The following COL5A3 variants were observed in gnomAD, a reference collection of about 807,000 sequenced individuals.
The protein encoded by COL5A3 is collagen type V alpha 3 chain, also known as collagen alpha-3(V) chain.
In COL5A3, 172 loss-of-function variants were observed where a neutral mutation model predicts 250.0. The ratio of observed to expected loss-of-function variants is 0.69; its 90% CI spans 0.61 to 0.78. The LOEUF (loss-of-function observed/expected upper bound fraction) is 0.78, where lower values mean the gene tolerates loss of function less well. Ranked by LOEUF, COL5A3 falls within the 30% of genes least tolerant of loss-of-function variation. The pLI, the probability that COL5A3 is intolerant of heterozygous loss-of-function variation, is 0.00. For missense variants in COL5A3, 2,340 were observed against 2,334.4 expected (o/e 1.00, Z -0.05); for synonymous variants, 937 against 900.4 (o/e 1.04, Z -0.73).
At chr19:10,000,995 C>T (rs940119102) in intron 8 of COL5A3, among the ~76,000 whole-genome samples, 2 of 152,026 alleles carry the variant, frequency 1.3e-5, no homozygotes, top group African/African-American at 4.8e-5. Context: ...GGGTACTAGG[C>T]TTAATACCTG....
chr19:9,970,425 A>G (rs1042682070), intron 54 of COL5A3, among the ~76,000 whole-genome samples, 197 bp downstream of exon 54: 340 of 8,148 alleles, frequency 0.042, 1 homozygote, highest in African/African-American at 0.078. Context: ...GGGGGCTGTA[A>G]GGTGAGTGGG....
chr19:9,990,710 G>A (rs940215412), intron 24 of COL5A3, among the ~76,000 whole-genome samples: 4 of 151,724 alleles, frequency 2.6e-5, no homozygotes, highest in South Asian at 2.1e-4. Flanking sequence ...CTACAGGCGC[G>A]CGCCACCACG....
chr19:10,005,550 ACTC>A lies in COL5A3; in HGVS notation c.594+5_594+7del, dbSNP rs759595058. ...CTGCCTCAGTTTCCCCCATCACTGA[ACTC>A]CTACCTCGAAAGTCTTTTCCCCAAG... is the stretch of plus-strand genomic sequence containing the variant. On this transcript the variant is annotated splice_donor_5th_base_variant and intron_variant, in intron 4 of 66. Coordinates refer to ENST00000264828, the MANE Select transcript of COL5A3 (RefSeq NM_015719.4). The A allele has an allele frequency of 6.2e-7, 1 of 1,613,860 alleles. No homozygotes were observed. Among genetic ancestry groups the A allele is most frequent in the Non-Finnish European group, 8.5e-7 (1 of 1,179,886 alleles).
intron 57 of COL5A3, 90 bp downstream of exon 57, chr19:9,969,248 TGGTCAGTGAGG>T: frequency 3.0e-6 from 3 of 1,012,396 alleles, no homozygotes; most frequent in Non-Finnish European, 4.4e-6. Context: ...CTCAGATGGA[TGGTCAGTGAGG>T]GCTAGCCTGC....
chr19:10,003,821 C>T lies in COL5A3; in HGVS notation c.700-107G>A, dbSNP rs146713140. On this transcript the variant is annotated intron_variant, in intron 5 of 66. Transcript: ENST00000264828. ...TCATGGCCCGTGGGTCCTCACTCAGCCCTGTGACCTGGAGTCAACGTTATT... is the reference window on the plus strand; with the variant it reads ...TCATGGCCCGTGGGTCCTCACTCAGTCCTGTGACCTGGAGTCAACGTTATT... The T allele has an allele frequency of 4.8e-4, 694 of 1,438,068 alleles. 1 individual carries two copies. Among genetic ancestry groups the T allele is most frequent in the Non-Finnish European group, 6.3e-4 (660 of 1,045,906 alleles). 89.1% of individuals were successfully genotyped at this position (1,438,068 alleles called of 1,614,324 possible).
chr19:10,005,753 C>T, intron 3 of COL5A3, 39 bp from the exon 4 acceptor site: 1 of 1,598,726 alleles, frequency 6.3e-7, no homozygotes, highest in Non-Finnish European at 8.5e-7. Context: ...CTTCTCACCC[C>T]ACCCCTTATC....
At chr19:9,961,926 T>A (rs1041674084) in intron 65 of COL5A3, among the ~76,000 whole-genome samples, 1 of 152,194 alleles carries the variant, frequency 6.6e-6, no homozygotes, top group Non-Finnish European at 1.5e-5. Flanking sequence ...AGAAAGCTTA[T>A]GCTTGGAACA....
chr19:9,964,460 G>A (rs2086710850), intron 64 of COL5A3, among the ~76,000 whole-genome samples: 1 of 151,978 alleles, frequency 6.6e-6, no homozygotes, highest in African/African-American at 2.4e-5. Flanking sequence ...AAATTAGCCA[G>A]GCATGGTGAT....
In COL5A3 at chr19:9,968,259, T is replaced by C. The variant is rs1482378923; in HGVS notation, c.4314+126A>G. On this transcript the variant is annotated intron_variant, in intron 59 of 66. Transcript: ENST00000264828. This position sits in a 1 kb window ranked among gnomAD's most constrained non-coding sequence, Gnocchi z 4.1. ...TCCAACTTGCCAGTTCCCAGATACA[T>C]CCCCCTATTTTCCCCACACACACCC... The C allele has an allele frequency of 2.0e-6, 2 of 981,424 alleles. No individual in the cohort carries two copies. Among genetic ancestry groups the C allele is most frequent in the Non-Finnish European group, 3.1e-6 (2 of 646,460 alleles). 60.8% of individuals were successfully genotyped at this position (981,424 alleles called of 1,614,324 possible). A position where few individuals can be genotyped will look rare whatever the true frequency, so the allele number is the denominator to read the frequency against.
intron 35 of COL5A3, 138 bp downstream of exon 35, chr19:9,980,510 C>G (rs2086992937): frequency 9.5e-6 from 12 of 1,258,962 alleles, no homozygotes; most frequent in Non-Finnish European, 1.3e-5. Flanking sequence ...TACAGGCGTG[C>G]ACCACCACAC....
chr19:9,996,006 C>G (rs2145127799), intron 15 of COL5A3, 60 bp downstream of exon 15: 1 of 1,440,248 alleles, frequency 6.9e-7, no homozygotes, highest in South Asian at 1.5e-5. Context: ...AGCACTGTAT[C>G]TTGTGGTCCT....
At chr19:9,993,242 A>C in intron 19 of COL5A3, 138 bp downstream of exon 19, 1 of 1,129,440 alleles carries the variant, frequency 8.9e-7, no homozygotes, top group South Asian at 1.4e-5. Context: ...CTAGACCTGC[A>C]AGTCTCACCT....
rs1472309667 is a variant in COL5A3, at chr19:9,992,769, C to T, written c.1848+58G>A. The T allele has an allele frequency of 9.6e-6, 15 of 1,560,024 alleles. No homozygotes were observed. The East Asian group carries it at 2.7e-4, about 28-fold the overall frequency. On this transcript the variant is annotated intron_variant, in intron 21 of 66. Transcript: ENST00000264828. ...TCCAGCCTGGGCGACAGAGCGAGAC[C>T]CTAATCTCAAAACAAACAAAAAGAC...
chr19:10,010,396 C>T lies in COL5A3; in HGVS notation c.-11G>A, dbSNP rs1599236711. The T allele has an allele frequency of 1.4e-6, 2 of 1,421,692 alleles. No individual in the cohort carries two copies. The highest frequency in any genetic ancestry group is 3.0e-5 in the African/African-American group (2 of 66,870). 88.1% of individuals were successfully genotyped at this position (1,421,692 alleles called of 1,614,324 possible). On this transcript the variant is annotated 5_prime_UTR_variant, in exon 1 of 67. Transcript: ENST00000264828. The stretch of plus-strand genomic sequence containing the variant: ...CCGGCGGTTCCCCATCCCGGCGGGG[C>T]CCACGGGCAAGGCGGGGAACCAGTC...
At chr19:10,006,933 C>T (rs2087452081) in intron 1 of COL5A3, among the ~76,000 whole-genome samples, 1 of 151,930 alleles carries the variant, frequency 6.6e-6, no homozygotes, top group African/African-American at 2.4e-5. Flanking sequence ...CACCTCTAAC[C>T]TCTTCCCTCT....
Position 9,991,795 on chromosome 19 carries a change from C to A in COL5A3, c.1940G>T (p.Gly647Val). ...PGPPGQQGNH[G>V]SQGLPGPQGL... ...GGGAAAGACAGTTCAAACCTGGGAC[C>A]CATGGTTTCCCTGCTGTCCCGGAGG... Residue 647 changes from glycine (G) to valine (V), a missense_variant, in exon 23 of 67, where the codon GGG becomes GTG. Physicochemically the swap from Gly to Val is moderately radical, Grantham distance 109 (BLOSUM62 -3). Around this residue, in one of 3 missense-constraint regions of COL5A3, gnomAD observed 1,152 missense variants for 1,146.3 expected, o/e 1.00. Transcript: ENST00000264828. 1 of 1,606,612 alleles carries A rather than the reference C, an allele frequency of 6.2e-7. No individual in the cohort carries two copies. Among genetic ancestry groups the A allele is most frequent in the Non-Finnish European group, 8.5e-7 (1 of 1,176,764 alleles).
In COL5A3 at chr19:9,968,846, A is replaced by G; in HGVS notation, c.4153-118T>C. On this transcript the variant is annotated intron_variant, in intron 57 of 66. Coordinates refer to ENST00000264828, the MANE Select transcript of COL5A3 (RefSeq NM_015719.4). This position sits in a 1 kb window ranked among gnomAD's most constrained non-coding sequence, Gnocchi z 4.1. ...AGATTTCAAATGGGAATTACCAGGG[A>G]TGAGGTCAAGGGATGGTCAGAGTAG... 2.1e-6 allele frequency: 2 copies of G among 931,554 alleles called. No homozygotes were observed. Among genetic ancestry groups the G allele is most frequent in the Non-Finnish European group, 3.3e-6 (2 of 599,606 alleles). 57.7% of individuals were successfully genotyped at this position (931,554 alleles called of 1,614,324 possible).
chr19:9,975,206 C>G (rs534452374), intron 45 of COL5A3, among the ~76,000 whole-genome samples: 1 of 152,240 alleles, frequency 6.6e-6, no homozygotes, highest in African/African-American at 2.4e-5. Flanking sequence ...TCCCAAGTAG[C>G]TGGGATTACA....
Position 9,967,890 on chromosome 19 carries a change from C to T in COL5A3, c.4404+14G>A. On this transcript the variant is annotated intron_variant, in intron 61 of 66. Transcript: ENST00000264828. ...GCTGGGATGTGTAAGCCCACGGAAG[C>T]AGGGTGTACTCACCGGAGACCCTTT... 1 of 1,612,114 alleles carries T rather than the reference C, an allele frequency of 6.2e-7. No homozygotes were observed. Among genetic ancestry groups the T allele is most frequent in the Non-Finnish European group, 8.5e-7 (1 of 1,179,282 alleles).
Sources: gnomAD v4.1 joint callset for allele counts (sites outside exome capture counted in the v4.1 genomes callset) on GRCh38, gnomAD v4.1.1 for gene constraint, gnomAD v4.1.1 regional missense constraint, Gnocchi (gnomAD v3.1) non-coding constraint, MANE v1.5 for transcripts, NCBI Gene and HGNC (gene_info 2026-07-23, HGNC 2026-07-21) for gene names.